FNDC3B: variants seen among roughly 807,000 people sequenced by gnomAD.
FNDC3B encodes the protein fibronectin type III domain-containing protein 3B.
Under a neutral mutation model 151.5 loss-of-function variants are expected in FNDC3B, and 12 were observed. That is an observed-to-expected ratio of 0.08 (90% CI 0.05 to 0.13). The LOEUF (loss-of-function observed/expected upper bound fraction) is 0.13, where lower values mean the gene tolerates loss of function less well. Ranked by LOEUF, FNDC3B falls within the 10% of genes least tolerant of loss-of-function variation. The pLI, the probability that FNDC3B is intolerant of heterozygous loss-of-function variation, is 1.00. For missense variants in FNDC3B, 1,214 were observed against 1,505.3 expected, an observed-to-expected ratio of 0.81 and a Z score of 3.20; for synonymous variants, 528 against 549.0, an observed-to-expected ratio of 0.96 and a Z score of 0.54.
chr3:172,294,823 G>A (rs995847773), intron 7 of FNDC3B, among the ~76,000 whole-genome samples: 2 of 152,214 alleles, frequency 1.3e-5, no homozygotes, highest in Non-Finnish European at 2.9e-5. Flanking sequence ...TAAACCAAAA[G>A]TATGAAAGCA....
intron 11 of FNDC3B, among the ~76,000 whole-genome samples, chr3:172,324,463 A>G (rs1264440983): frequency 6.6e-6 from 1 of 152,216 alleles, no homozygotes; most frequent in Admixed American, 6.5e-5. Context: ...GGGAAAGGAA[A>G]CAACCCACGT....
chr3:172,250,176 A>G (rs1727995535), intron 5 of FNDC3B, among the ~76,000 whole-genome samples: 1 of 152,226 alleles, frequency 6.6e-6, no homozygotes, highest in Admixed American at 6.5e-5. Context: ...CCTTGAGATC[A>G]TAAGATTGCT....
intron 6 of FNDC3B, 67 bp downstream of exon 6, chr3:172,251,608 C>T: frequency 1.4e-6 from 2 of 1,399,958 alleles, no homozygotes; most frequent in East Asian, 2.3e-5. Context: ...GATGTTTCCA[C>T]ATCTTTTACA....
intron 3 of FNDC3B, among the ~76,000 whole-genome samples, chr3:172,162,365 T>C (rs1722821825): frequency 6.6e-6 from 1 of 152,236 alleles, no homozygotes; most frequent in African/African-American, 2.4e-5. Context: ...TATGGATGTA[T>C]CACACTGTAT....
rs73880148 is a variant in FNDC3B, at chr3:172,340,172, G to C, written c.1853-941G>C. Among the ~76,000 whole-genome samples, 1,095 of 152,274 alleles carry C rather than the reference G, an allele frequency of 7.2e-3. 18 individuals carry two copies. The highest frequency in any genetic ancestry group is 0.025 in the African/African-American group (1,056 of 41,554). ...CTTGCTTCTGACGGCATCAGCCTTG[G>C]GGGGCACCCAGACTCCTGGTGACCG... On this transcript the variant is annotated intron_variant, in intron 16 of 25. Transcript: ENST00000415807.
chr3:172,321,218 C>T (rs1732064699), intron 11 of FNDC3B, among the ~76,000 whole-genome samples: 1 of 152,186 alleles, frequency 6.6e-6, no homozygotes, highest in Non-Finnish European at 1.5e-5. Context: ...CCTAAACTGT[C>T]CCCTAGAGAC....
intron 25 of FNDC3B, among the ~76,000 whole-genome samples, chr3:172,389,576 G>A (rs7638080): frequency 0.26 from 39,978 of 152,048 alleles, 5,277 homozygotes; most frequent in Middle Eastern, 0.37. Context: ...TAGAAAAACT[G>A]TTCACGTGTG....
rs2270568 is a variant in FNDC3B, at chr3:172,329,071, T to C, written c.1374T>C (p.Gly458=). 0.45 allele frequency: 719,153 copies of C among 1,611,500 alleles called. 165,850 individuals are homozygous for C. The highest frequency in any genetic ancestry group is 0.68 in the African/African-American group (50,740 of 74,860). ...GGCTGGCCGCTCGAAACGACATTGG[T>C]ACCAGGTATGACGTTTCCTTGTCCT... ...TFRLAARNDI[G]TSGYSQEVVC... Residue 458 remains glycine, a synonymous_variant, in exon 12 of 26, where the codon GGT becomes GGC. Transcript: ENST00000415807.
intron 3 of FNDC3B, among the ~76,000 whole-genome samples, chr3:172,192,091 G>A (rs1452855520): frequency 6.6e-6 from 1 of 152,052 alleles, no homozygotes; most frequent in Non-Finnish European, 1.5e-5. Flanking sequence ...GGAAGGTGGA[G>A]GAAGGCTTGG....
intron 1 of FNDC3B, among the ~76,000 whole-genome samples, chr3:172,088,426 G>A (rs1473920897): frequency 6.6e-6 from 1 of 152,178 alleles, no homozygotes; most frequent in Non-Finnish European, 1.5e-5. Flanking sequence ...TCAGTATCAT[G>A]TGGGTTTCAG....
At chr3:172,371,779 T>C (rs993343157) in intron 23 of FNDC3B, among the ~76,000 whole-genome samples, 1 of 152,224 alleles carries the variant, frequency 6.6e-6, no homozygotes, top group African/African-American at 2.4e-5. Context: ...CTTGGTCACA[T>C]GCCCAGCTCT....
chr3:172,310,998 G>T, intron 11 of FNDC3B, 117 bp downstream of exon 11: 1 of 757,094 alleles, frequency 1.3e-6, no homozygotes, highest in Non-Finnish European at 2.3e-6. Context: ...AGGAATGCTA[G>T]TAGAGAAATT....
chr3:172,328,999 G>A lies in FNDC3B; in HGVS notation c.1302G>A (p.Lys434=). 1.9e-6 allele frequency: 3 copies of A among 1,613,594 alleles called. No individual in the cohort carries two copies. Among genetic ancestry groups the A allele is most frequent in the Admixed American group, 1.7e-5 (1 of 59,994 alleles). ...GFRQCFFGSQ[K]HCKLTKLCPA... ...GACAGTGCTTCTTCGGGAGCCAGAA[G>A]CACTGCAAGTTGACAAAGCTTTGTC... Residue 434 remains lysine, a synonymous_variant, in exon 12 of 26, where the codon AAG becomes AAA. Transcript: ENST00000415807.
intron 3 of FNDC3B, among the ~76,000 whole-genome samples, chr3:172,177,624 A>ATTTTTTTTTTTTTTTTT (rs1211143726): frequency 5.4e-5 from 3 of 55,654 alleles, no homozygotes; most frequent in Admixed American, 1.6e-4. Context: ...TTTTACCACC[A>ATTTTTTTTTTTTTTTTT]TCTTTTTTTT....
chr3:172,393,970 T>G (rs1736143624), intron 25 of FNDC3B, among the ~76,000 whole-genome samples: 1 of 150,450 alleles, frequency 6.6e-6, no homozygotes, highest in South Asian at 2.1e-4. Context: ...TAGCTGGGTG[T>G]GGTGACGGGT....
chr3:172,107,184 C>A (rs887370186), intron 1 of FNDC3B, among the ~76,000 whole-genome samples: 1 of 151,954 alleles, frequency 6.6e-6, no homozygotes, highest in African/African-American at 2.4e-5. Flanking sequence ...GAAGCACTTG[C>A]GGTTTTAGTG....
intron 3 of FNDC3B, 84 bp downstream of exon 3, chr3:172,133,630 T>C (rs766795993): frequency 1.0e-6 from 1 of 965,812 alleles, no homozygotes; most frequent in South Asian, 1.3e-5. Context: ...TGTGTCTGCA[T>C]GTAATTTTCT....
At chr3:172,333,312 A>C (rs1732774723) in intron 14 of FNDC3B, 137 bp downstream of exon 14, 1 of 644,152 alleles carries the variant, frequency 1.6e-6, no homozygotes, top group Non-Finnish European at 2.8e-6. Flanking sequence ...AACATTTATA[A>C]AGTGTACAAC....
At chr3:172,264,542 C>T (rs1728821622) in intron 6 of FNDC3B, among the ~76,000 whole-genome samples, 1 of 151,920 alleles carries the variant, frequency 6.6e-6, no homozygotes, top group Admixed American at 6.6e-5. Flanking sequence ...AATTCTCTAC[C>T]CCTCTCTCCT....
Sources: gnomAD v4.1 joint callset for allele counts (sites outside exome capture counted in the v4.1 genomes callset) on GRCh38, gnomAD v4.1.1 for gene constraint, MANE v1.5 for transcripts, NCBI Gene and HGNC (gene_info 2026-07-23, HGNC 2026-07-21) for gene names.